The following CADM2 variants were observed in gnomAD, a reference collection of about 807,000 sequenced individuals.
CADM2 encodes immunoglobulin superfamily member 4D.
Under a neutral mutation model 49.8 loss-of-function variants are expected in CADM2, and 12 were observed. That is an observed-to-expected ratio of 0.24 (90% CI 0.15 to 0.39). The LOEUF is 0.39. Ranked by LOEUF, CADM2 falls within the 10% of genes least tolerant of loss-of-function variation. The pLI, the probability that CADM2 is intolerant of heterozygous loss-of-function variation, is 1.00. For synonymous variants in CADM2, 214 were observed against 175.4 expected (o/e 1.22, Z -1.74); for missense variants, 378 against 492.3 (o/e 0.77, Z 2.20).
intron 1 of CADM2, among the ~76,000 whole-genome samples, chr3:85,168,186 A>G (rs1286016127): frequency 6.6e-6 from 1 of 151,820 alleles, no homozygotes; most frequent in Non-Finnish European, 1.5e-5. Flanking sequence ...CTCCCAAGTA[A>G]CTGGGATTAC....
chr3:85,843,294 G>T (rs1339474959), intron 3 of CADM2, among the ~76,000 whole-genome samples: 3 of 152,014 alleles, frequency 2.0e-5, no homozygotes, highest in Non-Finnish European at 4.4e-5. Context: ...GGAATCAATA[G>T]CAGAAACATC....
rs553953259 is a variant in CADM2 at position 85,652,619 on chromosome 3, A to C, written c.62-73903A>C. ...ACATAGTTCTTAACATGGTCATGGA[A>C]TAGCAAAGAGATTAGAGTCTGGAAC... is the stretch of plus-strand genomic sequence containing the variant. On this transcript the variant is annotated intron_variant, in intron 1 of 9. Transcript: ENST00000383699. Among the ~76,000 whole-genome samples the C allele has an allele frequency of 6.6e-5, 10 of 152,228 alleles. No homozygotes were observed. The East Asian group carries it at 1.9e-3, about 29-fold the overall frequency.
At chr3:85,918,758 AG>A (rs1382818703) in intron 6 of CADM2, among the ~76,000 whole-genome samples, 1 of 152,138 alleles carries the variant, frequency 6.6e-6, no homozygotes, top group Non-Finnish European at 1.5e-5. Flanking sequence ...ACAACTGAGC[AG>A]TGGGAAAAAC....
intron 1 of CADM2, among the ~76,000 whole-genome samples, chr3:85,164,000 A>C (rs537439266): frequency 6.6e-6 from 1 of 152,130 alleles, no homozygotes; most frequent in East Asian, 1.9e-4. Context: ...TATATTTTTA[A>C]ATGTCCAGAA....
At chr3:85,685,916 G>T (rs534792804) in intron 1 of CADM2, among the ~76,000 whole-genome samples, 1 of 152,164 alleles carries the variant, frequency 6.6e-6, no homozygotes, top group Middle Eastern at 3.4e-3. Context: ...GGGCCACCAC[G>T]CCTGGCCTTT....
intron 2 of CADM2, among the ~76,000 whole-genome samples, chr3:85,744,346 T>G (rs1428995210): frequency 1.3e-5 from 2 of 152,172 alleles, no homozygotes; most frequent in Non-Finnish European, 2.9e-5. Context: ...TTGTACATTT[T>G]TAAATAATCA....
At chr3:85,408,825 G>C (rs1042425931) in intron 1 of CADM2, among the ~76,000 whole-genome samples, 17 of 151,992 alleles carry the variant, frequency 1.1e-4, no homozygotes, top group African/African-American at 4.1e-4. Flanking sequence ...GTCTTATTTG[G>C]AGAAGTAAAA....
intron 1 of CADM2, among the ~76,000 whole-genome samples, chr3:85,390,743 C>T (rs982426693): frequency 2.6e-4 from 39 of 152,092 alleles, no homozygotes; most frequent in Non-Finnish European, 5.3e-4. Flanking sequence ...CTACTGCCTA[C>T]TCCCTCTTTT....
intron 2 of CADM2, among the ~76,000 whole-genome samples, chr3:85,773,784 C>T (rs573987766): frequency 6.6e-6 from 1 of 151,794 alleles, no homozygotes; most frequent in African/African-American, 2.4e-5. Context: ...CATTCCTGAT[C>T]CTCAGTATTA....
At chr3:85,122,960 T>C (rs1223782271) in intron 1 of CADM2, among the ~76,000 whole-genome samples, 1 of 152,108 alleles carries the variant, frequency 6.6e-6, no homozygotes, top group Non-Finnish European at 1.5e-5. Context: ...ATCCTCTTCA[T>C]GGGTATTTAA....
chr3:86,035,168 C>A (rs1735001906), intron 8 of CADM2, among the ~76,000 whole-genome samples: 1 of 152,076 alleles, frequency 6.6e-6, no homozygotes, highest in East Asian at 1.9e-4. Flanking sequence ...CACGTCAGAA[C>A]CACACTTTGT....
chr3:85,827,700 A>C (rs2073985632), intron 3 of CADM2, among the ~76,000 whole-genome samples: 1 of 151,994 alleles, frequency 6.6e-6, no homozygotes, highest in African/African-American at 2.4e-5. Context: ...CCTGAGGCTT[A>C]TTTTCATATA....
chr3:85,506,395 A>C (rs1203313114), intron 1 of CADM2, among the ~76,000 whole-genome samples: 1 of 152,336 alleles, frequency 6.6e-6, no homozygotes, highest in South Asian at 2.1e-4. Flanking sequence ...TTTAGAATGT[A>C]TGAATTGGAC....
intron 1 of CADM2, among the ~76,000 whole-genome samples, chr3:85,298,328 A>G (rs2044016457): frequency 6.6e-6 from 1 of 152,054 alleles, no homozygotes; most frequent in East Asian, 1.9e-4. Context: ...GGAAGGTGAG[A>G]CTTCAATTGG....
intron 3 of CADM2, among the ~76,000 whole-genome samples, chr3:85,871,545 C>T (rs2075929074): frequency 6.6e-6 from 1 of 152,050 alleles, no homozygotes; most frequent in Non-Finnish European, 1.5e-5. Context: ...AGTTACTGAA[C>T]CTCTCTGATG....
intron 1 of CADM2, among the ~76,000 whole-genome samples, chr3:85,354,463 C>A (rs948791281): frequency 6.6e-6 from 1 of 151,538 alleles, no homozygotes; most frequent in African/African-American, 2.4e-5. Context: ...TGTAACAAAC[C>A]TGCACATTGT....
chr3:85,221,245 A>AG (rs2042038215), intron 1 of CADM2, among the ~76,000 whole-genome samples: 1 of 152,150 alleles, frequency 6.6e-6, no homozygotes, highest in Non-Finnish European at 1.5e-5. Flanking sequence ...GTTGAATCAC[A>AG]GTAATTTAAT....
At chr3:85,526,128 A>G (rs1032871524) in intron 1 of CADM2, among the ~76,000 whole-genome samples, 2 of 144,550 alleles carry the variant, frequency 1.4e-5, no homozygotes, top group African/African-American at 2.5e-5. Flanking sequence ...GGAACTTGAA[A>G]ATTCTCTCAA....
chr3:85,558,632 G>A (rs895195280), intron 1 of CADM2, among the ~76,000 whole-genome samples: 11 of 151,752 alleles, frequency 7.2e-5, no homozygotes, highest in African/African-American at 2.7e-4. Context: ...TATAATCTTA[G>A]GACTATTTGT....
Sources: allele counts gnomAD v4.1 joint callset (sites outside exome capture counted in the v4.1 genomes callset), GRCh38; gene constraint gnomAD v4.1.1; transcripts MANE v1.5; gene names NCBI Gene and HGNC (gene_info 2026-07-23, HGNC 2026-07-21).